Variants in TIPIN observed in about 807,000 individuals in gnomAD.
The protein encoded by TIPIN is TIMELESS-interacting protein.
Under a neutral mutation model 35.6 loss-of-function variants are expected in TIPIN, and 29 were observed. The observed-to-expected ratio is 0.82, with a 90% CI of 0.61 to 1.11. TIPIN has a LOEUF of 1.11. TIPIN is among the 50% of genes most tolerant of loss of function. TIPIN has a pLI of 0.00. For synonymous variants in TIPIN, 102 were observed against 121.5 expected (o/e 0.84, Z 1.06); for missense variants, 296 against 345.4 (o/e 0.86, Z 1.13).
intron 4 of TIPIN, 49 bp downstream of exon 4, chr15:66,351,476 T>G: frequency 7.2e-7 from 1 of 1,386,886 alleles, no homozygotes; most frequent in Non-Finnish European, 1.0e-6. Flanking sequence ...GTCCACATTT[T>G]TATTGCTATT....
chr15:66,384,595 C>T (rs1401204136), intron 1 of TIPIN, among the ~76,000 whole-genome samples: 1 of 152,034 alleles, frequency 6.6e-6, no homozygotes, highest in Non-Finnish European at 1.5e-5. Flanking sequence ...CTGCATCCAC[C>T]CAGAATAATT....
rs912891784 is a variant in TIPIN, at chr15:66,342,785, G to T, written c.476-1429C>A. The stretch of plus-strand genomic sequence containing the variant: ...CCAAATTAATTTCTTTTTAAATTCA[G>T]TGTGCTCTACATTATAAGTAATACA... On this transcript the variant is annotated intron_variant, in intron 6 of 7. Coordinates refer to ENST00000261881, the MANE Select transcript of TIPIN (RefSeq NM_017858.3). Among the ~76,000 whole-genome samples the T allele has an allele frequency of 3.3e-5, 5 of 151,036 alleles. No individual in the cohort carries two copies. The South Asian group carries it at 1.0e-3, about 31-fold the overall frequency.
chr15:66,353,979 C>G (rs2093186931), intron 1 of TIPIN, among the ~76,000 whole-genome samples: 1 of 152,070 alleles, frequency 6.6e-6, no homozygotes, highest in South Asian at 2.1e-4. Context: ...AAAATTTAGC[C>G]AGGTGTTGTG....
At chr15:66,382,926 C>T (rs1268210656) in intron 1 of TIPIN, 9 of 985,206 alleles carry the variant, frequency 9.1e-6, no homozygotes, top group Non-Finnish European at 1.1e-5. Context: ...TTGACAGAAC[C>T]GATGGATCAC....
intron 1 of TIPIN, chr15:66,379,607 G>A (rs1055985781): frequency 6.2e-6 from 10 of 1,609,534 alleles, no homozygotes; most frequent in African/African-American, 5.3e-5. Context: ...CCGGGATAAC[G>A]ACGATGATGG....
chr15:66,351,586 C>A lies in TIPIN; in HGVS notation c.227G>T (p.Arg76Ile). Residue 76 changes from arginine (R) to isoleucine (I), a missense_variant, in exon 4 of 8, where the codon AGA becomes ATA. Arg to Ile is a moderately conservative substitution (Grantham distance 97). Transcript: ENST00000261881. ...TACATGCCTTAAGGCTGGAAGTCCT[C>A]TCTCTGAAATTAATCTGTGAATAAA... Reference protein sequence around the residue: ...KLDAQRLISERGLPALRHVFD... With the variant: ...KLDAQRLISEIGLPALRHVFD... 1 of 1,611,380 alleles carries A rather than the reference C, an allele frequency of 6.2e-7. No individual in the cohort carries two copies. Among genetic ancestry groups the A allele is most frequent in the Non-Finnish European group, 8.5e-7 (1 of 1,178,560 alleles).
chr15:66,354,795 T>C (rs2093192318), intron 1 of TIPIN, among the ~76,000 whole-genome samples: 1 of 152,190 alleles, frequency 6.6e-6, no homozygotes, highest in South Asian at 2.1e-4. Context: ...AACTATCACC[T>C]TTTCAAAAGT....
chr15:66,386,231 GTAGT>G (rs1225766760), intron 1 of TIPIN, among the ~76,000 whole-genome samples: 1 of 151,900 alleles, frequency 6.6e-6, no homozygotes, highest in East Asian at 1.9e-4. Context: ...GGCAGAGGTG[GTAGT>G]TAGCGGAGAT....
intron 1 of TIPIN, among the ~76,000 whole-genome samples, chr15:66,385,058 G>C (rs2093331682): frequency 6.6e-6 from 1 of 152,172 alleles, no homozygotes; most frequent in Non-Finnish European, 1.5e-5. Context: ...CAGTGAGAAA[G>C]CTGGCTCTGT....
chr15:66,349,292 T>C lies in TIPIN; in HGVS notation c.411+23A>G, dbSNP rs560096070. 9 of 1,611,294 alleles carry C rather than the reference T, an allele frequency of 5.6e-6. No homozygotes were observed. The South Asian group carries it at 6.6e-5, about 12-fold the overall frequency. On this transcript the variant is annotated intron_variant, in intron 5 of 7. Transcript: ENST00000261881. ...CCTACCATTTAGCATGTGAATGATATTTATAATCATCTCAACACTTACCTG... is the reference window on the plus strand; with the variant it reads ...CCTACCATTTAGCATGTGAATGATACTTATAATCATCTCAACACTTACCTG...
At chr15:66,352,235 T>C (rs1353323049) in intron 2 of TIPIN, 28 bp from the exon 3 acceptor site, 6 of 1,471,066 alleles carry the variant, frequency 4.1e-6, no homozygotes, top group Non-Finnish European at 5.6e-6. Context: ...GATTCAGTAT[T>C]ACTGTACTTA....
At chr15:66,337,879 C>CA (rs199639209) in intron 7 of TIPIN, among the ~76,000 whole-genome samples, 12 of 144,342 alleles carry the variant, frequency 8.3e-5, no homozygotes, top group South Asian at 6.7e-4. Context: ...CAAAAAAAAA[C>CA]AAAAAAAAAG....
At chr15:66,373,766 G>C (rs1250578639) in intron 1 of TIPIN, among the ~76,000 whole-genome samples, 3 of 152,066 alleles carry the variant, frequency 2.0e-5, no homozygotes, top group Non-Finnish European at 4.4e-5. Context: ...GCAATAGTAG[G>C]ATCATGGCTC....
At chr15:66,364,124 C>G (rs1303621879) in intron 1 of TIPIN, among the ~76,000 whole-genome samples, 1 of 151,452 alleles carries the variant, frequency 6.6e-6, no homozygotes, top group Non-Finnish European at 1.5e-5. Context: ...AATATCCAAA[C>G]CATATCAACA....
intron 1 of TIPIN, among the ~76,000 whole-genome samples, chr15:66,364,261 G>A (rs1595811077): frequency 1.4e-5 from 2 of 145,714 alleles, no homozygotes; most frequent in East Asian, 4.3e-4. Context: ...TGCCTCCCGA[G>A]TTCAAGCAAT....
chr15:66,359,744 T>C (rs2093223136), upstream of TIPIN, among the ~76,000 whole-genome samples: 1 of 152,152 alleles, frequency 6.6e-6, no homozygotes, highest in Admixed American at 6.6e-5. Context: ...TAAGTTTATA[T>C]ACTATACTTT....
At chr15:66,379,604 A>G in intron 1 of TIPIN, 3 of 1,610,772 alleles carry the variant, frequency 1.9e-6, no homozygotes, top group South Asian at 2.2e-5. Context: ...TCTCCGGGAT[A>G]ACGACGATGA....
At chr15:66,370,099 T>C (rs1270807801) in intron 1 of TIPIN, among the ~76,000 whole-genome samples, 3 of 152,166 alleles carry the variant, frequency 2.0e-5, no homozygotes, top group Admixed American at 6.6e-5. Context: ...TGGACTGTGA[T>C]TTCAAAGGAA....
At chr15:66,384,769 A>G (rs2093330298) in intron 1 of TIPIN, among the ~76,000 whole-genome samples, 2 of 151,884 alleles carry the variant, frequency 1.3e-5, no homozygotes, top group African/African-American at 4.8e-5. Context: ...AAAATTAGCC[A>G]GGCATGGTGG....
Sources: gnomAD v4.1 joint callset for allele counts (sites outside exome capture counted in the v4.1 genomes callset) on GRCh38, gnomAD v4.1.1 for gene constraint, MANE v1.5 for transcripts, NCBI Gene and HGNC (gene_info 2026-07-23, HGNC 2026-07-21) for gene names.